The following ESRRG variants were observed in gnomAD, a reference collection of about 807,000 sequenced individuals.
The protein encoded by ESRRG is estrogen-related receptor gamma.
A neutral mutation model predicts 44.0 loss-of-function variants in ESRRG; 13 were observed. The observed-to-expected ratio is 0.30, with a 90% CI of 0.19 to 0.47. The LOEUF (loss-of-function observed/expected upper bound fraction) is 0.47. Among genes scored for constraint, ESRRG ranks in the 20% least tolerant of loss-of-function variants. The pLI, the probability that ESRRG is intolerant of heterozygous loss-of-function variation, is 1.00. For synonymous variants in ESRRG, 215 were observed against 214.6 expected (o/e 1.00, Z -0.02); for missense variants, 395 against 580.6 (o/e 0.68, Z 3.29).
rs1328582694 is a variant in ESRRG, at chr1:216,806,993, G to GT, written c.-13-129503dup. ...TGTAACTCATCTGTAGCTTCCTCTC[G>GT]TATGTGATAGCTTGGCAATTCCACA... On this transcript the variant is annotated intron_variant, in intron 2 of 7. Transcript: ENST00000359162. 3.3e-5 allele frequency among the ~76,000 whole-genome samples: 5 copies of GT among 152,122 alleles called. No homozygotes were observed. In the South Asian group the frequency reaches 1.0e-3, roughly 32 times the overall value.
intron 2 of ESRRG, among the ~76,000 whole-genome samples, chr1:216,773,202 G>A (rs77617852): frequency 0.072 from 11,013 of 152,068 alleles, 492 homozygotes; most frequent in Middle Eastern, 0.14. Context: ...GAAAGATAGC[G>A]TAAATTGTGT....
At chr1:217,066,443 G>T (rs1201336826) in intron 1 of ESRRG, among the ~76,000 whole-genome samples, 1 of 151,498 alleles carries the variant, frequency 6.6e-6, no homozygotes, top group African/African-American at 2.4e-5. Flanking sequence ...GGATTTCACC[G>T]TGTTAGCCAG....
intron 1 of ESRRG, among the ~76,000 whole-genome samples, chr1:216,693,242 T>G (rs1029831707): frequency 3.9e-5 from 6 of 152,220 alleles, no homozygotes; most frequent in Middle Eastern, 3.2e-3. Flanking sequence ...ACATCTTTTT[T>G]TGTGTGTGTA....
chr1:216,735,979 CA>C (rs5780916), intron 2 of ESRRG, among the ~76,000 whole-genome samples: 7,975 of 115,520 alleles, frequency 0.069, 811 homozygotes, highest in African/African-American at 0.22. Context: ...CTCCCCATCT[CA>C]AAAAAAAATA....
At chr1:216,685,110 G>A (rs534662924) in intron 1 of ESRRG, among the ~76,000 whole-genome samples, 9 of 152,106 alleles carry the variant, frequency 5.9e-5, no homozygotes, top group Non-Finnish European at 1.2e-4. Flanking sequence ...AAGGGCTTTC[G>A]AACAGTGTGC....
At chr1:216,615,993 C>T (rs920777346) in intron 3 of ESRRG, among the ~76,000 whole-genome samples, 4 of 152,128 alleles carry the variant, frequency 2.6e-5, no homozygotes, top group Non-Finnish European at 5.9e-5. Context: ...CCAACCTTGC[C>T]TATTTCTAGG....
Position 216,614,735 on chromosome 1 carries a change from A to C in ESRRG, c.589+36238T>G, listed in dbSNP as rs11572725. Reference sequence around the variant, plus strand: ...AAAAATGGACTCAAAAGTCAATTGCAATGTCTCTTGGCTAAATCCTTAAAT... The same window carrying C: ...AAAAATGGACTCAAAAGTCAATTGCCATGTCTCTTGGCTAAATCCTTAAAT... On this transcript the variant is annotated intron_variant, in intron 3 of 6. Transcript: ENST00000408911. 9.0e-3 allele frequency among the ~76,000 whole-genome samples: 1,364 copies of C among 152,350 alleles called. 25 individuals are homozygous for C. The highest frequency in any genetic ancestry group is 0.031 in the African/African-American group (1,299 of 41,578).
intron 3 of ESRRG, among the ~76,000 whole-genome samples, chr1:216,624,588 C>T (rs1190464881): frequency 1.3e-5 from 2 of 152,072 alleles, no homozygotes; most frequent in Non-Finnish European, 1.5e-5. Context: ...CACACAGAGA[C>T]AAAGGGAAAA....
intron 5 of ESRRG, among the ~76,000 whole-genome samples, chr1:216,524,304 A>C (rs1279962792): frequency 7.0e-6 from 1 of 142,954 alleles, no homozygotes; most frequent in African/African-American, 2.8e-5. Flanking sequence ...ATATACACAC[A>C]CTTTTTTTTC....
At chr1:216,947,715 A>C (rs561174952) in intron 1 of ESRRG, among the ~76,000 whole-genome samples, 3 of 152,194 alleles carry the variant, frequency 2.0e-5, no homozygotes, top group Non-Finnish European at 4.4e-5. Context: ...AAAGATCCAT[A>C]GTGTCCTTCA....
chr1:217,008,019 C>T (rs2078002114), intron 1 of ESRRG, among the ~76,000 whole-genome samples: 1 of 152,202 alleles, frequency 6.6e-6, no homozygotes, highest in Non-Finnish European at 1.5e-5. Flanking sequence ...ACATTATAGT[C>T]TTACATTTCA....
At chr1:216,710,035 C>G (rs1425091385) in intron 1 of ESRRG, among the ~76,000 whole-genome samples, 6 of 152,186 alleles carry the variant, frequency 3.9e-5, no homozygotes, top group Admixed American at 1.3e-4. Context: ...TGAGTGCATG[C>G]TCCCTCGCAT....
At position 216,714,518 on chromosome 1, in the gene ESRRG, C is replaced by T. The variant is rs2084376602; in HGVS notation, c.56+8726G>A. The T allele has an allele frequency of 1.0e-5, 9 of 899,704 alleles. No homozygotes were observed. The South Asian group carries it at 4.6e-4, about 46-fold the overall frequency. The allele number at this position is 899,704 out of a possible 1,614,324, so 55.7% of individuals were successfully genotyped here. ...ATAGACAATATCACCGAACTTACCC[C>T]AGAAACTGAAGACAAGATAGAAAGC... is the stretch of plus-strand genomic sequence containing the variant. On this transcript the variant is annotated intron_variant, in intron 1 of 6. Coordinates refer to ENST00000408911, the MANE Select transcript of ESRRG (RefSeq NM_001438.4).
chr1:216,589,524 T>C (rs562376613), intron 3 of ESRRG, among the ~76,000 whole-genome samples: 5 of 152,062 alleles, frequency 3.3e-5, no homozygotes, highest in Admixed American at 3.3e-4. Flanking sequence ...TGGAAACCAG[T>C]CATAAATATA....
chr1:216,600,503 G>A (rs2059056232), intron 3 of ESRRG, among the ~76,000 whole-genome samples: 2 of 152,140 alleles, frequency 1.3e-5, no homozygotes, highest in Admixed American at 1.3e-4. Flanking sequence ...GCCTAAAAGT[G>A]CTGGGTTTTT....
chr1:216,856,424 A>G (rs2095942423), intron 2 of ESRRG, among the ~76,000 whole-genome samples: 1 of 151,804 alleles, frequency 6.6e-6, no homozygotes, highest in East Asian at 1.9e-4. Flanking sequence ...AGAGTGAAGA[A>G]ATTCATCTTG....
intron 2 of ESRRG, among the ~76,000 whole-genome samples, chr1:216,833,959 A>C (rs960522132): frequency 6.6e-6 from 1 of 152,208 alleles, no homozygotes; most frequent in African/African-American, 2.4e-5. Flanking sequence ...CTGAGGTGAG[A>C]CCATGAGTCT....
intron 3 of ESRRG, among the ~76,000 whole-genome samples, chr1:216,583,459 T>C (rs1055200782): frequency 2.0e-5 from 3 of 152,226 alleles, no homozygotes; most frequent in African/African-American, 7.2e-5. Flanking sequence ...GGAAACTAGA[T>C]TGGAATCCCC....
intron 1 of ESRRG, among the ~76,000 whole-genome samples, chr1:217,117,919 G>T (rs1034868716): frequency 1.3e-5 from 2 of 152,086 alleles, no homozygotes; most frequent in South Asian, 2.1e-4. Flanking sequence ...TCATCAAAAA[G>T]TTCAAAATTC....
Sources: gnomAD v4.1 joint callset for allele counts (sites outside exome capture counted in the v4.1 genomes callset) on GRCh38, gnomAD v4.1.1 for gene constraint, MANE v1.5 for transcripts, NCBI Gene and HGNC (gene_info 2026-07-23, HGNC 2026-07-21) for gene names.